The following TBC1D15 variants were observed in gnomAD, a reference collection of about 807,000 sequenced individuals.
TBC1D15 encodes the protein GAP for RAB7.
A neutral mutation model predicts 95.4 loss-of-function variants in TBC1D15; 39 were observed. The ratio of observed to expected loss-of-function variants is 0.41; its 90% CI spans 0.32 to 0.53. TBC1D15 has a LOEUF of 0.53. Ranked by LOEUF, TBC1D15 falls within the 20% of genes least tolerant of loss-of-function variation. The pLI, the probability that TBC1D15 is intolerant of heterozygous loss-of-function variation, is 0.29. For missense variants in TBC1D15, 733 were observed against 794.3 expected (o/e 0.92, Z 0.93); for synonymous variants, 258 against 261.3 (o/e 0.99, Z 0.12).
intron 8 of TBC1D15, chr12:71,896,282 A>C: frequency 2.1e-6 from 1 of 465,482 alleles, no homozygotes. Context: ...TGAGGTGCTT[A>C]TGATGTTCCT....
chr12:71,873,066 AT>A, intron 3 of TBC1D15, 63 bp downstream of exon 3: 1 of 1,141,404 alleles, frequency 8.8e-7, no homozygotes, highest in Non-Finnish European at 1.3e-6. Flanking sequence ...TATTATCCAT[AT>A]ATAATTCACA....
intron 7 of TBC1D15, 45 bp downstream of exon 7, chr12:71,894,928 AG>A: frequency 1.3e-6 from 2 of 1,552,698 alleles, no homozygotes; most frequent in Middle Eastern, 3.4e-4. Context: ...TTTTAACAGG[AG>A]AACATGTACT....
chr12:71,861,301 T>G, intron 1 of TBC1D15: 1 of 471,108 alleles, frequency 2.1e-6, no homozygotes, highest in Non-Finnish European at 3.6e-6. Flanking sequence ...TCTCTAAATG[T>G]TTGGTAGAAT....
At chr12:71,869,093 G>A (rs1892106746) in intron 1 of TBC1D15, among the ~76,000 whole-genome samples, 1 of 152,122 alleles carries the variant, frequency 6.6e-6, no homozygotes. Context: ...ATCTCACATA[G>A]TTACTTTTTT....
intron 12 of TBC1D15, among the ~76,000 whole-genome samples, chr12:71,916,054 T>A (rs1302089374): frequency 6.6e-6 from 1 of 152,170 alleles, no homozygotes; most frequent in East Asian, 1.9e-4. Flanking sequence ...AGGCATAGAC[T>A]TTGTCTATTA....
chr12:71,889,613 A>G (rs1896867794), intron 5 of TBC1D15, among the ~76,000 whole-genome samples: 1 of 152,216 alleles, frequency 6.6e-6, no homozygotes, highest in African/African-American at 2.4e-5. Context: ...TATATAAGCC[A>G]TCCCCCACTG....
intron 14 of TBC1D15, among the ~76,000 whole-genome samples, 190 bp downstream of exon 14, chr12:71,918,738 G>A (rs553084124): frequency 1.3e-5 from 2 of 152,186 alleles, no homozygotes; most frequent in Admixed American, 6.5e-5. Flanking sequence ...TTGGAGCTTC[G>A]TTCTTCAAAT....
chr12:71,852,070 C>T (rs1294006084), intron 1 of TBC1D15, among the ~76,000 whole-genome samples: 1 of 152,246 alleles, frequency 6.6e-6, no homozygotes, highest in East Asian at 1.9e-4. Flanking sequence ...CATACATCCT[C>T]TGAATTCTAG....
intron 1 of TBC1D15, chr12:71,861,633 C>T: frequency 1.6e-6 from 1 of 607,768 alleles, no homozygotes. Flanking sequence ...TTTTGGCTGC[C>T]TTTAACTAAT....
At chr12:71,844,647 A>G (rs923563949) in intron 1 of TBC1D15, among the ~76,000 whole-genome samples, 1 of 152,160 alleles carries the variant, frequency 6.6e-6, no homozygotes, top group African/African-American at 2.4e-5. Flanking sequence ...TTGTCATCCC[A>G]TTAGATTGTA....
intron 10 of TBC1D15, among the ~76,000 whole-genome samples, chr12:71,899,785 A>G (rs1898944318): frequency 6.6e-6 from 1 of 152,052 alleles, no homozygotes; most frequent in Non-Finnish European, 1.5e-5. Context: ...AATAAATGGT[A>G]GTAGAGGAGG....
intron 5 of TBC1D15, among the ~76,000 whole-genome samples, chr12:71,890,941 T>A (rs1049396594): frequency 6.6e-6 from 1 of 152,212 alleles, no homozygotes; most frequent in Non-Finnish European, 1.5e-5. Context: ...AGTTATTTTG[T>A]ATATTGGGCC....
At chr12:71,894,489 C>A in intron 6 of TBC1D15, 197 bp from the exon 7 acceptor site, 1 of 1,267,990 alleles carries the variant, frequency 7.9e-7, no homozygotes, top group South Asian at 1.3e-5. Flanking sequence ...GCTATTTTAA[C>A]CAAATGAAAT....
In TBC1D15 at chr12:71,911,295, A is replaced by T. The variant is rs551353468; in HGVS notation, c.1301-2531A>T. Among the ~76,000 whole-genome samples the T allele has an allele frequency of 2.6e-5, 4 of 152,236 alleles. No individual in the cohort carries two copies. The South Asian group carries it at 8.3e-4, about 32-fold the overall frequency. On this transcript the variant is annotated intron_variant, in intron 11 of 16. Coordinates refer to ENST00000485960, the MANE Select transcript of TBC1D15 (RefSeq NM_001146213.3). ...TGGGTATATACCCAAAGGACTATAA[A>T]TCATGCTGCCATAAAGACACATGCA...
chr12:71,921,045 G>A (rs532451416), intron 15 of TBC1D15, among the ~76,000 whole-genome samples, 198 bp downstream of exon 15: 6 of 152,242 alleles, frequency 3.9e-5, no homozygotes, highest in African/African-American at 1.4e-4. Context: ...TAATTAGGAA[G>A]AAAAGGAAAT....
chr12:71,913,702 C>T (rs1592825299), intron 11 of TBC1D15, 124 bp from the exon 12 acceptor site: 1 of 630,774 alleles, frequency 1.6e-6, no homozygotes, highest in South Asian at 1.8e-5. Flanking sequence ...ACATCAGTGT[C>T]TACCAATTTC....
chr12:71,885,907 G>A (rs1037966644), intron 5 of TBC1D15, among the ~76,000 whole-genome samples: 2 of 152,158 alleles, frequency 1.3e-5, no homozygotes, highest in African/African-American at 2.4e-5. Context: ...AATTAATTCA[G>A]TATTACAGGT....
At chr12:71,849,696 C>T in intron 1 of TBC1D15, 3 of 553,004 alleles carry the variant, frequency 5.4e-6, no homozygotes. Flanking sequence ...ATGGTCAGTC[C>T]CAGTACTGCT....
intron 10 of TBC1D15, among the ~76,000 whole-genome samples, chr12:71,902,179 T>C (rs1413585397): frequency 6.6e-6 from 1 of 152,200 alleles, no homozygotes; most frequent in Non-Finnish European, 1.5e-5. Context: ...ATTTATAGAT[T>C]CAGTGCTATT....
Sources: gnomAD v4.1 joint callset for allele counts (sites outside exome capture counted in the v4.1 genomes callset) on GRCh38, gnomAD v4.1.1 for gene constraint, MANE v1.5 for transcripts, NCBI Gene and HGNC (gene_info 2026-07-23, HGNC 2026-07-21) for gene names.